MALRD1: variants seen among roughly 807,000 people sequenced by gnomAD.
MALRD1 encodes the protein MAM and LDL receptor class A domain containing 1.
MALRD1 carries 247 observed loss-of-function variants against 242.1 expected under a neutral mutation model. The observed-to-expected ratio is 1.02, with a 90% confidence interval of 0.92 to 1.13. MALRD1 has a LOEUF of 1.13. Among genes scored for constraint, MALRD1 ranks in the 50% most tolerant of loss-of-function variants. The probability of loss-of-function intolerance (pLI) is 0.00; values close to 1 mark genes in which losing one functional copy is unlikely to be tolerated. For synonymous variants in MALRD1, 995 were observed against 866.6 expected (o/e 1.15, Z -2.60); for missense variants, 2,989 against 2,533.1 (o/e 1.18, Z -3.86).
chr10:19,467,683 A>C (rs1315240444), intron 29 of MALRD1, among the ~76,000 whole-genome samples: 1 of 79,010 alleles, frequency 1.3e-5, no homozygotes, highest in African/African-American at 4.1e-5. Context: ...ATGTACCATA[A>C]GGCTTTTTTG....
chr10:19,473,491 C>A (rs1042371779), intron 29 of MALRD1, among the ~76,000 whole-genome samples: 1 of 150,168 alleles, frequency 6.7e-6, no homozygotes, highest in African/African-American at 2.5e-5. Context: ...TCTCCTTCCC[C>A]AGCCCCTGAT....
chr10:19,514,811 C>T (rs916078735), intron 31 of MALRD1, among the ~76,000 whole-genome samples: 11 of 152,060 alleles, frequency 7.2e-5, no homozygotes, highest in Non-Finnish European at 1.6e-4. Context: ...AAGCCTTTTA[C>T]AATTTTCTAC....
At chr10:19,292,076 G>A (rs548954329) in intron 21 of MALRD1, among the ~76,000 whole-genome samples, 233 of 82,098 alleles carry the variant, frequency 2.8e-3, no homozygotes, top group Non-Finnish European at 4.3e-3. Context: ...GAGCAAGACC[G>A]TCTCAAAAAA....
At chr10:19,413,106 A>G (rs141154882) in intron 28 of MALRD1, among the ~76,000 whole-genome samples, 12 of 152,204 alleles carry the variant, frequency 7.9e-5, no homozygotes, top group African/African-American at 1.2e-4. Context: ...CATCACATAC[A>G]TGATGTAACC....
intron 25 of MALRD1, 87 bp from the exon 26 acceptor site, chr10:19,351,915 TAAAG>T: frequency 8.5e-7 from 1 of 1,175,278 alleles, no homozygotes; most frequent in Non-Finnish European, 1.2e-6. Flanking sequence ...AATCTGTTAA[TAAAG>T]AAGAGGGCAA....
chr10:19,348,101 G>C, intron 25 of MALRD1, 83 bp downstream of exon 25: 2 of 1,456,412 alleles, frequency 1.4e-6, no homozygotes, highest in Non-Finnish European at 9.2e-7. Flanking sequence ...GGAAAACAGA[G>C]TGGCTGGGGC....
intron 32 of MALRD1, among the ~76,000 whole-genome samples, chr10:19,552,369 A>G (rs1437634938): frequency 6.6e-6 from 1 of 152,096 alleles, no homozygotes; most frequent in Non-Finnish European, 1.5e-5. Context: ...AGAGGTATTT[A>G]TAATATTCTC....
chr10:19,247,299 C>T (rs1400466365), intron 18 of MALRD1, among the ~76,000 whole-genome samples: 1 of 151,990 alleles, frequency 6.6e-6, no homozygotes, highest in Non-Finnish European at 1.5e-5. Flanking sequence ...AATTAAATTA[C>T]TTCATTAAAA....
intron 21 of MALRD1, among the ~76,000 whole-genome samples, chr10:19,291,164 A>C (rs1000147963): frequency 6.6e-6 from 1 of 152,082 alleles, no homozygotes; most frequent in African/African-American, 2.4e-5. Context: ...CACTTTTTTT[A>C]GTATAAAATT....
rs1161332701 is a variant in MALRD1 at position 19,698,392 on chromosome 10, A to G, written c.6314+5838A>G. ...TTCTTTGAACTGCCAAAGACTACTA[A>G]TAATTGGGGTCAGGCACAAATCCCT... On this transcript the variant is annotated intron_variant, in intron 38 of 39. Transcript: ENST00000454679. Among the ~76,000 whole-genome samples the G allele has an allele frequency of 2.0e-5, 3 of 152,304 alleles. No individual in the cohort carries two copies. In the South Asian group the frequency reaches 6.2e-4, roughly 32 times the overall value.
intron 34 of MALRD1, among the ~76,000 whole-genome samples, chr10:19,603,297 G>C (rs1451554977): frequency 1.3e-5 from 2 of 152,086 alleles, no homozygotes; most frequent in South Asian, 2.1e-4. Context: ...GAATTGCCTA[G>C]GTTTTCTTCT....
At chr10:19,435,717 G>T (rs889383063) in intron 28 of MALRD1, among the ~76,000 whole-genome samples, 5 of 152,116 alleles carry the variant, frequency 3.3e-5, no homozygotes, top group Admixed American at 6.6e-5. Context: ...AAGTTGTCAA[G>T]TTCCTTCCCA....
chr10:19,148,788 A>ATATATATAT lies in MALRD1; in HGVS notation c.1558+2444_1558+2445insTATATATAT, dbSNP rs1554797975. Among the ~76,000 whole-genome samples the ATATATATAT allele has an allele frequency of 8.2e-4, 72 of 88,036 alleles. 1 individual carries two copies. Among genetic ancestry groups the ATATATATAT allele is most frequent in the African/African-American group, 2.4e-3 (58 of 24,374 alleles). 57.8% of individuals were successfully genotyped at this position (88,036 alleles called of 152,430 possible). A position where few individuals can be genotyped will look rare whatever the true frequency, so the allele number is the denominator to read the frequency against. Reference sequence around the variant, plus strand: ...AAGGGCCAATTAAAAAAAAAAAAAAAATATATATATATATATATATATCTG... The same window carrying ATATATATAT: ...AAGGGCCAATTAAAAAAAAAAAAAAATATATATATATATATATATATATATATATATCTG... On this transcript the variant is annotated intron_variant, in intron 11 of 39. Coordinates refer to ENST00000454679, the MANE Select transcript of MALRD1 (RefSeq NM_001142308.3).
chr10:19,456,835 C>T (rs1394199355), intron 29 of MALRD1, among the ~76,000 whole-genome samples: 7 of 151,584 alleles, frequency 4.6e-5, no homozygotes, highest in South Asian at 4.2e-4. Context: ...TGCAATGGCA[C>T]GATCTCAGCT....
At chr10:19,391,843 A>T (rs1458632778) in intron 28 of MALRD1, among the ~76,000 whole-genome samples, 1 of 152,172 alleles carries the variant, frequency 6.6e-6, no homozygotes, top group East Asian at 1.9e-4. Flanking sequence ...TTCAAGTGTC[A>T]CTCTCAGATC....
intron 1 of MALRD1, among the ~76,000 whole-genome samples, chr10:19,057,036 C>G (rs572064198): frequency 6.6e-6 from 1 of 152,014 alleles, no homozygotes; most frequent in Admixed American, 6.6e-5. Context: ...TTGATCATGC[C>G]AAATGCTTCT....
chr10:19,127,583 G>C (rs1315262111), intron 7 of MALRD1, among the ~76,000 whole-genome samples: 1 of 152,082 alleles, frequency 6.6e-6, no homozygotes, highest in African/African-American at 2.4e-5. Context: ...TAAAATTATA[G>C]AAATCTCTTT....
At chr10:19,066,301 G>A (rs1204915436) in intron 1 of MALRD1, among the ~76,000 whole-genome samples, 1 of 152,138 alleles carries the variant, frequency 6.6e-6, no homozygotes, top group Non-Finnish European at 1.5e-5. Flanking sequence ...TAGATGCAGA[G>A]GGCCAACTGC....
At chr10:19,622,251 T>G (rs1206924585) in intron 36 of MALRD1, among the ~76,000 whole-genome samples, 1 of 151,654 alleles carries the variant, frequency 6.6e-6, no homozygotes, top group Non-Finnish European at 1.5e-5. Context: ...TAAAAGTTAA[T>G]TCAAACAATA....
Sources: gnomAD v4.1 joint callset for allele counts (sites outside exome capture counted in the v4.1 genomes callset) on GRCh38, gnomAD v4.1.1 for gene constraint, MANE v1.5 for transcripts, NCBI Gene and HGNC (gene_info 2026-07-23, HGNC 2026-07-21) for gene names.